Variants in PTPRK observed in about 807,000 individuals in gnomAD.
PTPRK encodes the protein protein tyrosine phosphatase receptor type K, also known as receptor-type tyrosine-protein phosphatase kappa.
Under a neutral mutation model 178.0 loss-of-function variants are expected in PTPRK, and 75 were observed. That is an observed-to-expected ratio of 0.42 (90% CI 0.35 to 0.51). The LOEUF is 0.51. Among genes scored for constraint, PTPRK ranks in the 20% least tolerant of loss-of-function variants. The probability of loss-of-function intolerance (pLI) is 0.02; values close to 1 mark genes in which losing one functional copy is unlikely to be tolerated. For synonymous variants in PTPRK, 637 were observed against 620.6 expected, an observed-to-expected ratio of 1.03 and a Z score of -0.39; for missense variants, 1,441 against 1,797.8, an observed-to-expected ratio of 0.80 and a Z score of 3.59.
chr6:128,377,294 A>G (rs1837238778), intron 2 of PTPRK, among the ~76,000 whole-genome samples: 1 of 152,188 alleles, frequency 6.6e-6, no homozygotes. Context: ...AAGGAGGAGC[A>G]AATCACATCT....
chr6:128,449,502 G>A (rs572884144), intron 1 of PTPRK, among the ~76,000 whole-genome samples: 73 of 152,002 alleles, frequency 4.8e-4, no homozygotes, highest in Non-Finnish European at 5.9e-4. Context: ...TCTCCAAAAC[G>A]GAAACCTGGA....
intron 2 of PTPRK, among the ~76,000 whole-genome samples, chr6:128,331,145 G>GC (rs1412430365): frequency 4.6e-5 from 7 of 152,120 alleles, no homozygotes; most frequent in African/African-American, 1.2e-4. Context: ...GAAAAGTTGG[G>GC]ATTTCATGTA....
chr6:128,442,510 A>G (rs952412628), intron 1 of PTPRK, among the ~76,000 whole-genome samples: 1 of 152,200 alleles, frequency 6.6e-6, no homozygotes, highest in Non-Finnish European at 1.5e-5. Flanking sequence ...ACCTACAACT[A>G]TATGGCCACC....
intron 11 of PTPRK, among the ~76,000 whole-genome samples, chr6:128,068,566 C>A (rs1782242418): frequency 6.6e-6 from 1 of 151,682 alleles, no homozygotes; most frequent in Admixed American, 6.6e-5. Flanking sequence ...GAGAAAAAAA[C>A]AAAAAGAAAA....
At chr6:127,990,591 A>G (rs1432235332) in intron 21 of PTPRK, among the ~76,000 whole-genome samples, 178 bp downstream of exon 21, 2 of 152,120 alleles carry the variant, frequency 1.3e-5, no homozygotes, top group Non-Finnish European at 2.9e-5. Flanking sequence ...CGATTTTAAC[A>G]TGTGTCCCAA....
chr6:128,456,907 A>G (rs1188620847), intron 1 of PTPRK, among the ~76,000 whole-genome samples: 2 of 152,084 alleles, frequency 1.3e-5, no homozygotes, highest in African/African-American at 2.4e-5. Flanking sequence ...TGAAAAATAC[A>G]TTTCCCAAAA....
rs557913292 is a variant in PTPRK, at chr6:128,293,763, A to T, written c.495+28276T>A. Among the ~76,000 whole-genome samples the T allele has an allele frequency of 6.6e-5, 10 of 152,276 alleles. No homozygotes were observed. The South Asian group carries it at 2.1e-3, about 32-fold the overall frequency. On this transcript the variant is annotated intron_variant, in intron 3 of 29. Coordinates refer to ENST00000368226, the MANE Select transcript of PTPRK (RefSeq NM_002844.4). ...AGGCTCTTAGGTTTACTACAATTAA[A>T]TAACAATAACAATAAAACTAACTGA...
At chr6:128,228,659 C>CA (rs67092827) in intron 5 of PTPRK, among the ~76,000 whole-genome samples, 1,281 of 111,630 alleles carry the variant, frequency 0.011, 20 homozygotes, top group African/African-American at 0.042. Flanking sequence ...GACTCCATCT[C>CA]AAAAAAAAAA....
intron 7 of PTPRK, among the ~76,000 whole-genome samples, chr6:128,110,209 C>A (rs979503451): frequency 2.6e-5 from 4 of 152,076 alleles, no homozygotes; most frequent in African/African-American, 9.7e-5. Context: ...CAGGTGTGAG[C>A]CACCATGCCC....
At chr6:128,026,289 CAGA>C (rs984733358) in intron 13 of PTPRK, among the ~76,000 whole-genome samples, 3 of 152,182 alleles carry the variant, frequency 2.0e-5, no homozygotes, top group African/African-American at 7.2e-5. Context: ...ATACTAGCTG[CAGA>C]AGGTCTGGCA....
chr6:128,031,817 G>A (rs1384507942), intron 13 of PTPRK, among the ~76,000 whole-genome samples: 2 of 152,150 alleles, frequency 1.3e-5, no homozygotes, highest in Non-Finnish European at 2.9e-5. Context: ...CAAAGACAAA[G>A]AGATGCACTG....
At chr6:128,284,111 T>G (rs941588013) in intron 3 of PTPRK, among the ~76,000 whole-genome samples, 14 of 152,194 alleles carry the variant, frequency 9.2e-5, no homozygotes, top group Non-Finnish European at 1.5e-4. Flanking sequence ...CAGCCTCTTA[T>G]GTTCTCAATT....
At chr6:128,170,735 AC>A (rs2114643703) in intron 7 of PTPRK, among the ~76,000 whole-genome samples, 1 of 152,176 alleles carries the variant, frequency 6.6e-6, no homozygotes, top group South Asian at 2.1e-4. Context: ...AACCACACAG[AC>A]TTGCAGAGAA....
chr6:128,508,637 C>T (rs1272568739), intron 1 of PTPRK, among the ~76,000 whole-genome samples: 6 of 152,146 alleles, frequency 3.9e-5, no homozygotes, highest in Non-Finnish European at 8.8e-5. Context: ...CAACTGTGGT[C>T]CAAAAATATT....
In PTPRK at chr6:128,259,302, C is replaced by T. The variant is rs56004561; in HGVS notation, c.496-16700G>A. 6.4e-3 allele frequency among the ~76,000 whole-genome samples: 980 copies of T among 152,186 alleles called. 14 individuals are homozygous for T. The highest frequency in any genetic ancestry group is 0.017 in the Middle Eastern group (5 of 294). On this transcript the variant is annotated intron_variant, in intron 3 of 29. Coordinates refer to ENST00000368226, the MANE Select transcript of PTPRK (RefSeq NM_002844.4). ...CCACTGTCAGGGAACACCAGTATGC[C>T]ACAGCTCAAAACCACTAAACTAAGA...
At chr6:128,146,504 C>G (rs1262880508) in intron 7 of PTPRK, among the ~76,000 whole-genome samples, 1 of 150,840 alleles carries the variant, frequency 6.6e-6, no homozygotes. Flanking sequence ...AGTGCTGTGG[C>G]ATGATCTTGG....
chr6:128,095,000 A>G (rs1787678370), intron 7 of PTPRK, among the ~76,000 whole-genome samples: 1 of 152,124 alleles, frequency 6.6e-6, no homozygotes, highest in South Asian at 2.1e-4. Flanking sequence ...GTGAGTTTGA[A>G]GGGAAGGTGG....
At chr6:128,235,132 T>A (rs778098708) in intron 5 of PTPRK, among the ~76,000 whole-genome samples, 1 of 152,118 alleles carries the variant, frequency 6.6e-6, no homozygotes. Flanking sequence ...CCCATAAATA[T>A]GTACAAGTAG....
Position 128,279,476 on chromosome 6 carries a change from A to T in PTPRK, c.496-36874T>A, listed in dbSNP as rs932498632. 3.3e-5 allele frequency among the ~76,000 whole-genome samples: 5 copies of T among 152,314 alleles called. No individual in the cohort carries two copies. The East Asian group carries it at 9.7e-4, about 29-fold the overall frequency. ...AATGGCTTTCCTCAGCTAACTGCAGAATTGCTTATCAGGTAAATCTGTTAT... is the reference window on the plus strand; with the variant it reads ...AATGGCTTTCCTCAGCTAACTGCAGTATTGCTTATCAGGTAAATCTGTTAT... On this transcript the variant is annotated intron_variant, in intron 3 of 29. Coordinates refer to ENST00000368226, the MANE Select transcript of PTPRK (RefSeq NM_002844.4).
Sources: gnomAD v4.1 joint callset for allele counts (sites outside exome capture counted in the v4.1 genomes callset) on GRCh38, gnomAD v4.1.1 for gene constraint, MANE v1.5 for transcripts, NCBI Gene and HGNC (gene_info 2026-07-23, HGNC 2026-07-21) for gene names.